Variants in ATP2B2 observed in about 807,000 individuals in gnomAD.
The protein encoded by ATP2B2 is plasma membrane calcium-transporting ATPase 2.
Under a neutral mutation model 120.0 loss-of-function variants are expected in ATP2B2, and 15 were observed. The ratio of observed to expected loss-of-function variants is 0.12; its 90% CI spans 0.08 to 0.19. The LOEUF (loss-of-function observed/expected upper bound fraction) is 0.19, where lower values mean the gene tolerates loss of function less well. ATP2B2 is among the 10% of genes least tolerant of loss of function. The pLI is 1.00. For missense variants in ATP2B2, 1,045 were observed against 1,719.8 expected (o/e 0.61, Z 6.94); for synonymous variants, 694 against 700.3 (o/e 0.99, Z 0.14).
chr3:10,585,984 T>C (rs2068502081), intron 2 of ATP2B2, among the ~76,000 whole-genome samples: 1 of 152,206 alleles, frequency 6.6e-6, no homozygotes, highest in East Asian at 1.9e-4. Flanking sequence ...TGGCAAATAG[T>C]AGGTTTTCAA....
At chr3:10,426,541 C>T (rs1397924719) in intron 2 of ATP2B2, among the ~76,000 whole-genome samples, 4 of 152,136 alleles carry the variant, frequency 2.6e-5, no homozygotes, top group Admixed American at 2.6e-4. Context: ...TCCTTGCTGT[C>T]GACAGGAGGG....
At position 10,587,629 on chromosome 3, in the gene ATP2B2, C is replaced by T. The variant is rs749425347; in HGVS notation, c.-415+32288G>A. Reference sequence around the variant, plus strand: ...ACTTGACCTCAAGTGATCTACCTGCCTTGGCCTTCCAAAGTGCAGGGATTA... The same window carrying T: ...ACTTGACCTCAAGTGATCTACCTGCTTTGGCCTTCCAAAGTGCAGGGATTA... On this transcript the variant is annotated intron_variant, in intron 2 of 21. Coordinates refer to the ATP2B2 transcript ENST00000646379. Among the ~76,000 whole-genome samples the T allele has an allele frequency of 1.8e-3, 268 of 152,200 alleles. 3 individuals carry two copies. The highest frequency in any genetic ancestry group is 6.3e-3 in the Middle Eastern group (2 of 316).
chr3:10,473,064 C>T (rs2125291392), intron 1 of ATP2B2, among the ~76,000 whole-genome samples: 1 of 152,332 alleles, frequency 6.6e-6, no homozygotes, highest in Admixed American at 6.5e-5. Context: ...TAATGATCAT[C>T]TCCATGTCTG....
chr3:10,643,925 G>A (rs2070244243), intron 1 of ATP2B2, among the ~76,000 whole-genome samples: 1 of 152,066 alleles, frequency 6.6e-6, no homozygotes, highest in African/African-American at 2.4e-5. Flanking sequence ...TAGATAAATT[G>A]GACTTCATTA....
chr3:10,593,868 GA>G (rs1297998738), intron 2 of ATP2B2, among the ~76,000 whole-genome samples: 1 of 144,592 alleles, frequency 6.9e-6, no homozygotes, highest in Non-Finnish European at 1.5e-5. Context: ...AAATTTACAA[GA>G]AAAAAAACCA....
intron 2 of ATP2B2, among the ~76,000 whole-genome samples, chr3:10,609,092 T>G (rs2069159899): frequency 6.6e-6 from 1 of 152,226 alleles, no homozygotes; most frequent in Non-Finnish European, 1.5e-5. Context: ...TCTGAGCTGT[T>G]TCCTCCTCCA....
chr3:10,402,140 C>T lies in ATP2B2; in HGVS notation c.606G>A (p.Gln202=). Reference sequence around the variant, plus strand: ...CAACCACGATCTCAGCCACAGGGATCTGGACCACCTGGCCAGCCCGGACCA... The same window carrying T: ...CAACCACGATCTCAGCCACAGGGATTTGGACCACCTGGCCAGCCCGGACCA... ...FTVVRAGQVV[Q]IPVAEIVVGD... Residue 202 remains glutamine (Q), a synonymous_variant, in exon 4 of 23, where the codon CAG becomes CAA. Transcript: ENST00000360273. The surrounding 1 kb of genome is among the most constrained non-coding windows in gnomAD (Gnocchi z 4.9). 6.2e-7 allele frequency: 1 copy of T among 1,614,202 alleles called. No individual in the cohort carries two copies. The highest frequency in any genetic ancestry group is 8.5e-7 in the Non-Finnish European group (1 of 1,180,050).
At chr3:10,661,275 G>C (rs1354227837) in intron 1 of ATP2B2, among the ~76,000 whole-genome samples, 1 of 151,962 alleles carries the variant, frequency 6.6e-6, no homozygotes, top group Admixed American at 6.5e-5. Context: ...AAGAAATAAA[G>C]GGTATTCAAT....
At chr3:10,536,067 C>A (rs1426561669) in intron 2 of ATP2B2, among the ~76,000 whole-genome samples, 1 of 152,112 alleles carries the variant, frequency 6.6e-6, no homozygotes, top group African/African-American at 2.4e-5. Flanking sequence ...TTTAGCCATT[C>A]TGATAGGTGT....
chr3:10,547,430 G>A (rs1257741435), intron 2 of ATP2B2, among the ~76,000 whole-genome samples: 3 of 152,170 alleles, frequency 2.0e-5, no homozygotes, highest in Non-Finnish European at 4.4e-5. Context: ...ACGCAACAGG[G>A]AGAAAGGATT....
At chr3:10,549,089 G>A (rs1371394797) in intron 2 of ATP2B2, among the ~76,000 whole-genome samples, 1 of 152,190 alleles carries the variant, frequency 6.6e-6, no homozygotes, top group Non-Finnish European at 1.5e-5. Context: ...TGGGGATCAG[G>A]TTAAAACCAT....
intron 12 of ATP2B2, among the ~76,000 whole-genome samples, chr3:10,366,141 T>C (rs1042519004): frequency 2.0e-5 from 3 of 152,066 alleles, no homozygotes; most frequent in African/African-American, 7.2e-5. Context: ...AGTCTCAGGG[T>C]ATGGCCTGGC....
intron 2 of ATP2B2, 74 bp downstream of exon 2, chr3:10,449,271 A>C (rs889475230): frequency 3.2e-5 from 48 of 1,511,746 alleles, no homozygotes; most frequent in Non-Finnish European, 4.4e-5. Context: ...ACATATTATG[A>C]ATATGGTCCC....
chr3:10,400,565 CT>C (rs35545951), intron 5 of ATP2B2, among the ~76,000 whole-genome samples: 45,289 of 152,050 alleles, frequency 0.3, 7,411 homozygotes, highest in East Asian at 0.68. Context: ...CTGCTGCAGC[CT>C]TAGTGCCGGG....
intron 1 of ATP2B2, among the ~76,000 whole-genome samples, chr3:10,500,794 G>T (rs1354735789): frequency 6.6e-6 from 1 of 152,224 alleles, no homozygotes; most frequent in Admixed American, 6.5e-5. Flanking sequence ...GTGGTCATTT[G>T]TTATGGCAGC....
chr3:10,608,536 GC>G (rs2069144270), intron 2 of ATP2B2, among the ~76,000 whole-genome samples: 2 of 152,210 alleles, frequency 1.3e-5, no homozygotes, highest in African/African-American at 4.8e-5. Flanking sequence ...AGTTTCCTCT[GC>G]TGGCTCTCTG....
intron 1 of ATP2B2, among the ~76,000 whole-genome samples, chr3:10,671,527 G>T (rs2125692361): frequency 6.6e-6 from 1 of 152,148 alleles, no homozygotes; most frequent in Middle Eastern, 3.4e-3. Context: ...AGGATGGTTG[G>T]TCACCCTAGG....
At chr3:10,372,968 T>G (rs898013906) in intron 11 of ATP2B2, among the ~76,000 whole-genome samples, 1 of 152,218 alleles carries the variant, frequency 6.6e-6, no homozygotes, top group Non-Finnish European at 1.5e-5. Flanking sequence ...TTCCTTTATT[T>G]TTGCTCCTCA....
intron 1 of ATP2B2, among the ~76,000 whole-genome samples, chr3:10,681,496 C>T (rs2071382656): frequency 6.6e-6 from 1 of 152,222 alleles, no homozygotes; most frequent in Non-Finnish European, 1.5e-5. Context: ...GGGTGAAGTG[C>T]CCAATGCACT....
Sources: allele counts gnomAD v4.1 joint callset (sites outside exome capture counted in the v4.1 genomes callset), GRCh38; gene constraint gnomAD v4.1.1; non-coding constraint Gnocchi (gnomAD v3.1); transcripts MANE v1.5; gene names NCBI Gene and HGNC (gene_info 2026-07-23, HGNC 2026-07-21).